Variants in COQ8B observed in about 807,000 individuals in gnomAD.
COQ8B encodes atypical kinase COQ8B, mitochondrial.
COQ8B carries 44 observed loss-of-function variants against 62.0 expected under a neutral mutation model. That is an observed-to-expected ratio of 0.71 (90% CI 0.56 to 0.91). The LOEUF is 0.91. Among genes scored for constraint, COQ8B ranks in the 40% least tolerant of loss-of-function variants. The pLI, the probability that COQ8B is intolerant of heterozygous loss-of-function variation, is 0.00. For synonymous variants in COQ8B, 252 were observed against 289.9 expected (o/e 0.87, Z 1.33); for missense variants, 649 against 731.6 (o/e 0.89, Z 1.30).
In COQ8B at chr19:40,703,625, G is replaced by A. The variant is rs1489401077; in HGVS notation, c.718-3C>T. ...ATGCTCTGGGCTATGCCGGGGTACT[G>A]TAAAGGGAGAAGGGAGGGAGAGAAG... On this transcript the variant is annotated splice_polypyrimidine_tract_variant and splice_region_variant and intron_variant, in intron 8 of 14. Transcript: ENST00000324464. 2 of 1,613,054 alleles carry A rather than the reference G, an allele frequency of 1.2e-6. No individual in the cohort carries two copies. The highest frequency in any genetic ancestry group is 4.5e-5 in the East Asian group (2 of 44,860).
At chr19:40,714,418 T>A (rs2082168362) in intron 2 of COQ8B, 21 bp from the exon 3 acceptor site, 2 of 1,612,764 alleles carry the variant, frequency 1.2e-6, no homozygotes, top group Non-Finnish European at 1.7e-6. Flanking sequence ...TATACTTTGA[T>A]AAGGAGGGGA....
At position 40,700,164 on chromosome 19, in the gene COQ8B, T is replaced by C. The variant is rs773416977; in HGVS notation, c.1046A>G (p.Gln349Arg). Reference protein sequence around the residue: ...SQDLRNQICFQLLTLCLRELF... With the variant: ...SQDLRNQICFRLLTLCLRELF... Reference sequence around the variant, plus strand: ...CTCCCGCAGACACAGCGTCAGGAGCTGGAAGCAAATCTGGGGTGGGGAGAA... The same window carrying C: ...CTCCCGCAGACACAGCGTCAGGAGCCGGAAGCAAATCTGGGGTGGGGAGAA... Residue 349 changes from glutamine to arginine, a missense_variant, in exon 12 of 15, where the codon CAG (glutamine) becomes CGG (arginine). Gln to Arg is a conservative substitution (Grantham distance 43). Coordinates refer to ENST00000324464, the MANE Select transcript of COQ8B (RefSeq NM_024876.4). 2.7e-5 allele frequency: 44 copies of C among 1,614,114 alleles called. No homozygotes were observed. Among genetic ancestry groups the C allele is most frequent in the Non-Finnish European group, 3.6e-5 (43 of 1,180,034 alleles).
rs772687976 is a variant in COQ8B, at chr19:40,700,408, C to A, written c.937G>T (p.Val313Phe). 1 of 1,614,130 alleles carries A rather than the reference C, an allele frequency of 6.2e-7. No homozygotes were observed. Among genetic ancestry groups the A allele is most frequent in the South Asian group, 1.1e-5 (1 of 91,078 alleles). The change falls in exon 11 of 15, where the codon GTT becomes TTT. Residue 313 changes from valine to phenylalanine, a missense_variant. Coordinates refer to ENST00000324464, the MANE Select transcript of COQ8B (RefSeq NM_024876.4). ...ACCCGTGTCGTGCACAGCTCCTTAA[C>A]CACGGCTGGGACCCGGAAGAAGGGG... Reference protein sequence around the residue: ...NDPFFRVPAVVKELCTTRVLG... With the variant: ...NDPFFRVPAVFKELCTTRVLG...
chr19:40,697,890 G>A (rs961351549), intron 12 of COQ8B, among the ~76,000 whole-genome samples: 2 of 80,114 alleles, frequency 2.5e-5, no homozygotes, highest in Non-Finnish European at 5.1e-5. Context: ...TCTACTGGGC[G>A]TTCATGCAAA....
intron 4 of COQ8B, among the ~76,000 whole-genome samples, chr19:40,713,375 C>T (rs1352822554): frequency 6.6e-6 from 1 of 151,964 alleles, no homozygotes; most frequent in Non-Finnish European, 1.5e-5. Flanking sequence ...GGTGAAACCC[C>T]GTCTCTACTA....
intron 12 of COQ8B, among the ~76,000 whole-genome samples, chr19:40,697,851 T>TATATATAGAGAG (rs1446181673): frequency 3.7e-5 from 2 of 54,724 alleles, no homozygotes; most frequent in African/African-American, 9.8e-5. Context: ...TATATATATA[T>TATATATAGAGAG]AGAGAGAGAG....
Position 40,696,002 on chromosome 19 carries a change from T to A in COQ8B, c.1196A>T (p.Asp399Val). The A allele has an allele frequency of 1.2e-6, 2 of 1,614,170 alleles. No homozygotes were observed. The highest frequency in any genetic ancestry group is 1.7e-6 in the Non-Finnish European group (2 of 1,180,028). Residue 399 changes from aspartate to valine, a missense_variant, in exon 13 of 15, where the codon GAC (aspartate) becomes GTC (valine). Physicochemically the swap from Asp to Val is radical, Grantham distance 152 (BLOSUM62 -3). Coordinates refer to ENST00000324464, the MANE Select transcript of COQ8B (RefSeq NM_024876.4). ...GGGGAGACTCACCTCGATGTAATGG[T>A]CTGTGAACTCTGTCCCAAACTCCCG... ...ASREFGTEFT[D>V]HYIEVVKAAA...
In COQ8B at chr19:40,691,711, G is replaced by A. The variant is rs1012991257; in HGVS notation, c.*324C>T. Reference sequence around the variant, plus strand: ...CCTTCCACGGGAGGCTTGAGGCAGAGGTGAGGGCTCCCCCTGATGAGTCTG... The same window carrying A: ...CCTTCCACGGGAGGCTTGAGGCAGAAGTGAGGGCTCCCCCTGATGAGTCTG... On this transcript the variant is annotated 3_prime_UTR_variant, in exon 15 of 15. Coordinates refer to ENST00000324464, the MANE Select transcript of COQ8B (RefSeq NM_024876.4). 1 of 225,374 alleles carries A rather than the reference G, an allele frequency of 4.4e-6. No homozygotes were observed. Among genetic ancestry groups the A allele is most frequent in the African/African-American group, 2.3e-5 (1 of 44,238 alleles). 14.0% of individuals were successfully genotyped at this position (225,374 alleles called of 1,614,324 possible).
chr19:40,703,398 T>G, intron 9 of COQ8B, 143 bp downstream of exon 9: 1 of 825,006 alleles, frequency 1.2e-6, no homozygotes, highest in Admixed American at 3.0e-5. Context: ...TCTCCCCGCC[T>G]TGGTGTCCTT....
chr19:40,705,763 A>C (rs1254446712), intron 5 of COQ8B, among the ~76,000 whole-genome samples: 1 of 152,088 alleles, frequency 6.6e-6, no homozygotes, highest in Non-Finnish European at 1.5e-5. Flanking sequence ...ATAACAAAGC[A>C]AGACCCTGTC....
intron 4 of COQ8B, among the ~76,000 whole-genome samples, chr19:40,710,469 C>T (rs1010543897): frequency 1.5e-4 from 23 of 152,142 alleles, no homozygotes; most frequent in South Asian, 1.0e-3. Flanking sequence ...AGGCTGGTCT[C>T]GAACTCCTGA....
intron 14 of COQ8B, 98 bp downstream of exon 14, chr19:40,692,853 G>T: frequency 9.8e-7 from 1 of 1,019,246 alleles, no homozygotes; most frequent in Non-Finnish European, 1.5e-6. Context: ...GTATCGACAT[G>T]CCCCATCACC....
intron 4 of COQ8B, 22 bp from the exon 5 acceptor site, chr19:40,710,158 T>TG: frequency 6.2e-7 from 1 of 1,613,044 alleles, no homozygotes; most frequent in Non-Finnish European, 8.5e-7. Context: ...GAGAAGAACA[T>TG]GAGTGCCCGT....
intron 7 of COQ8B, chr19:40,704,317 C>T: frequency 6.4e-6 from 1 of 156,836 alleles, no homozygotes; most frequent in Non-Finnish European, 1.4e-5. Flanking sequence ...CTAATTATTA[C>T]TGTTATTATG....
In COQ8B at chr19:40,692,028, G is replaced by A. The variant is rs1390247583; in HGVS notation, c.*7C>T. 4 of 1,591,388 alleles carry A rather than the reference G, an allele frequency of 2.5e-6. No homozygotes were observed. The highest frequency in any genetic ancestry group is 2.3e-5 in the East Asian group (1 of 43,992). On this transcript the variant is annotated 3_prime_UTR_variant, in exon 15 of 15. Transcript: ENST00000324464. ...TGCTCTGGGGACTGAATCCCCCATG[G>A]AGGCTGTCATGAGGGATCCACCCAG...
At position 40,700,384 on chromosome 19, in the gene COQ8B, C is replaced by T; in HGVS notation, c.961G>A (p.Val321Met). ...AVVKELCTTR[V>M]LGMELAGGVP... The stretch of plus-strand genomic sequence containing the variant: ...CCTCCAGCCAGCTCCATGCCCAGCA[C>T]CCGTGTCGTGCACAGCTCCTTAACC... The change falls in exon 11 of 15, where the codon GTG becomes ATG. Residue 321 changes from valine (V) to methionine (M), a missense_variant. Val to Met is a conservative substitution (Grantham distance 21, BLOSUM62 1). Transcript: ENST00000324464. 10 of 1,614,212 alleles carry T rather than the reference C, an allele frequency of 6.2e-6. No individual in the cohort carries two copies. Among genetic ancestry groups the T allele is most frequent in the Non-Finnish European group, 8.5e-6 (10 of 1,180,040 alleles).
chr19:40,715,595 C>T, intron 1 of COQ8B: 1 of 985,620 alleles, frequency 1.0e-6, no homozygotes. Context: ...GCCTTGCTTG[C>T]CAACTGTTTC....
At chr19:40,704,056 G>A (rs750846155) in intron 7 of COQ8B, 5 of 626,892 alleles carry the variant, frequency 8.0e-6, no homozygotes, top group Non-Finnish European at 1.3e-5. Flanking sequence ...CTGGCAGACT[G>A]TGAGGCTCAG....
rs140776084 is a variant in COQ8B at position 40,706,656 on chromosome 19, C to T, written c.368-1209G>A. 4.0e-3 allele frequency among the ~76,000 whole-genome samples: 609 copies of T among 152,234 alleles called. 6 individuals carry two copies. The highest frequency in any genetic ancestry group is 0.014 in the African/African-American group (596 of 41,536). ...TTTACTTTCTGTAAAAATGGGGCCT[C>T]GCTATGTCACTCAGACTGGTCTCAA... is the stretch of plus-strand genomic sequence containing the variant. On this transcript the variant is annotated intron_variant, in intron 5 of 14. Coordinates refer to ENST00000324464, the MANE Select transcript of COQ8B (RefSeq NM_024876.4).
Sources: gnomAD v4.1 joint callset for allele counts (sites outside exome capture counted in the v4.1 genomes callset) on GRCh38, gnomAD v4.1.1 for gene constraint, MANE v1.5 for transcripts, NCBI Gene and HGNC (gene_info 2026-07-23, HGNC 2026-07-21) for gene names.